LYST: variants seen among roughly 807,000 people sequenced by gnomAD.
LYST encodes the protein lysosomal-trafficking regulator.
Under a neutral mutation model 413.6 loss-of-function variants are expected in LYST, and 192 were observed. The ratio of observed to expected loss-of-function variants is 0.46; its 90% CI spans 0.41 to 0.52. The LOEUF is 0.52. LYST is among the 20% of genes least tolerant of loss of function. The pLI, the probability that LYST is intolerant of heterozygous loss-of-function variation, is 0.00. For missense variants in LYST, 3,815 were observed against 4,499.9 expected (o/e 0.85, Z 4.35); for synonymous variants, 1,525 against 1,567.3 (o/e 0.97, Z 0.64).
chr1:235,754,862 T>C (rs1572157022), intron 25 of LYST, among the ~76,000 whole-genome samples: 1 of 149,300 alleles, frequency 6.7e-6, no homozygotes, highest in African/African-American at 2.5e-5. Context: ...TGGCTTGAGG[T>C]CAGGAGTTTG....
At chr1:235,808,390 C>A in intron 5 of LYST, 65 bp downstream of exon 5, 1 of 1,457,550 alleles carries the variant, frequency 6.9e-7, no homozygotes, top group Non-Finnish European at 9.5e-7. Flanking sequence ...TGAAAGCATC[C>A]AATGAAAAAG....
chr1:235,685,259 T>C (rs1039079796), intron 48 of LYST, among the ~76,000 whole-genome samples: 1 of 152,112 alleles, frequency 6.6e-6, no homozygotes, highest in Non-Finnish European at 1.5e-5. Flanking sequence ...TCTTAGAGCA[T>C]ACACTCCACT....
Position 235,664,348 on chromosome 1 carries a change from G to T in LYST, c.11195+117C>A. The T allele has an allele frequency of 1.1e-6, 1 of 941,746 alleles. No homozygotes were observed. The highest frequency in any genetic ancestry group is 1.6e-6 in the Non-Finnish European group (1 of 608,766). 58.3% of individuals were successfully genotyped at this position (941,746 alleles called of 1,614,324 possible). A position where few individuals can be genotyped will look rare whatever the true frequency, so the allele number is the denominator to read the frequency against. Reference sequence around the variant, plus strand: ...ATAACTAAAGAACCTACACCCCAAGGTGAGTTTAAATCTCTAAATACTGAA... The same window carrying T: ...ATAACTAAAGAACCTACACCCCAAGTTGAGTTTAAATCTCTAAATACTGAA... On this transcript the variant is annotated intron_variant, in intron 51 of 52. Transcript: ENST00000389793. This position sits in a 1 kb window ranked among gnomAD's most constrained non-coding sequence, Gnocchi z 4.5.
At chr1:235,740,144 A>C (rs1316837464) in intron 31 of LYST, among the ~76,000 whole-genome samples, 3 of 152,202 alleles carry the variant, frequency 2.0e-5, no homozygotes, top group Non-Finnish European at 4.4e-5. Flanking sequence ...AAAGTGTCTT[A>C]ATACTGGAAA....
rs1291886548 is a variant in LYST at position 235,759,557 on chromosome 1, TGGGC to T, written c.6292_6295del (p.Ala2098IlefsTer17). 6.2e-7 allele frequency: 1 copy of T among 1,613,692 alleles called. No individual in the cohort carries two copies. On this transcript the variant is annotated frameshift_variant, in exon 23 of 53. Coordinates refer to ENST00000389793, the MANE Select transcript of LYST (RefSeq NM_000081.4). LOFTEE classifies it high-confidence loss of function. Reference sequence around the variant, plus strand: ...TGGTAGGCTTCTAGAACGCAGCATATGGGCGGCCATCTGTTGTGGAATAATATTA... The same window carrying T: ...TGGTAGGCTTCTAGAACGCAGCATATGGCCATCTGTTGTGGAATAATATTA...
chr1:235,739,099 G>C, intron 31 of LYST: 1 of 535,304 alleles, frequency 1.9e-6, no homozygotes, highest in Non-Finnish European at 3.6e-6. Context: ...GTGATGTTAA[G>C]ATGGATTGGG....
intron 1 of LYST, among the ~76,000 whole-genome samples, chr1:235,842,558 G>C (rs1042598077): frequency 7.2e-5 from 11 of 152,172 alleles, no homozygotes; most frequent in African/African-American, 2.7e-4. Flanking sequence ...ATCTAGAACA[G>C]AACACAGCTA....
At chr1:235,734,843 G>A in intron 31 of LYST, 184 bp from the exon 32 acceptor site, 1 of 489,534 alleles carries the variant, frequency 2.0e-6, no homozygotes, top group Non-Finnish European at 3.6e-6. Flanking sequence ...TTTGATGACA[G>A]AGGATTAATG....
rs755421451 is a variant in LYST at position 235,715,381 on chromosome 1, G to T, written c.9628-24C>A. ...TACTGAAAGAAACGGTGAATCCAGA[G>T]AATTCATGATTGTGGGCTCCAGGCA... On this transcript the variant is annotated intron_variant, in intron 41 of 52. Transcript: ENST00000389793. 9 of 1,612,558 alleles carry T rather than the reference G, an allele frequency of 5.6e-6. No individual in the cohort carries two copies. In the African/African-American group the frequency reaches 1.1e-4, roughly 19 times the overall value.
At chr1:235,869,718 T>C (rs1440558948), upstream of LYST, among the ~76,000 whole-genome samples, 1 of 152,204 alleles carries the variant, frequency 6.6e-6, no homozygotes, top group Non-Finnish European at 1.5e-5. Context: ...ATGTCACATC[T>C]CTGCTCAAAA....
chr1:235,671,396 T>C (rs982691386), intron 50 of LYST, among the ~76,000 whole-genome samples: 4 of 152,248 alleles, frequency 2.6e-5, no homozygotes, highest in Admixed American at 2.6e-4. Flanking sequence ...GAGATTATCA[T>C]ATGGCTTTTG....
At chr1:235,855,012 A>G (rs891944133) in intron 1 of LYST, among the ~76,000 whole-genome samples, 4 of 152,198 alleles carry the variant, frequency 2.6e-5, no homozygotes, top group Non-Finnish European at 5.9e-5. Flanking sequence ...CTCCCAACAC[A>G]TAACACGTTG....
chr1:235,715,103 C>G (rs1662718430), intron 42 of LYST, 98 bp downstream of exon 42: 2 of 1,081,848 alleles, frequency 1.8e-6, no homozygotes, highest in Non-Finnish European at 2.8e-6. Flanking sequence ...TTTGATTAGT[C>G]TTAATAGTTC....
chr1:235,788,869 G>A (rs770253046), intron 12 of LYST, 24 bp from the exon 13 acceptor site: 2 of 1,610,362 alleles, frequency 1.2e-6, no homozygotes, highest in Admixed American at 3.3e-5. Flanking sequence ...ATGTTAGAAT[G>A]ATCAGTAAAA....
At chr1:235,739,581 T>G (rs1260513056) in intron 31 of LYST, among the ~76,000 whole-genome samples, 2 of 114,554 alleles carry the variant, frequency 1.7e-5, no homozygotes, top group Non-Finnish European at 3.7e-5. Context: ...TCATACTAAC[T>G]AAAACCCACA....
At chr1:235,712,575 A>G in intron 42 of LYST, 1 of 977,644 alleles carries the variant, frequency 1.0e-6, no homozygotes, top group Non-Finnish European at 1.2e-6. Flanking sequence ...TGAATAATGA[A>G]GAAGGAAGAT....
intron 2 of LYST, among the ~76,000 whole-genome samples, chr1:235,832,930 C>G (rs1283970827): frequency 6.6e-6 from 1 of 152,094 alleles, no homozygotes; most frequent in African/African-American, 2.4e-5. Context: ...ATAGTAGGCA[C>G]ATAGGAAGTG....
In LYST at chr1:235,788,810, G is replaced by A; in HGVS notation, c.4579C>T (p.Pro1527Ser). 2 of 1,613,568 alleles carry A rather than the reference G, an allele frequency of 1.2e-6. No homozygotes were observed. Among genetic ancestry groups the A allele is most frequent in the Middle Eastern group, 1.7e-4 (1 of 6,058 alleles). Residue 1527 changes from proline (P) to serine (S), a missense_variant, in exon 13 of 53, where the codon CCT becomes TCT. Physicochemically the swap from Pro to Ser is moderately conservative, Grantham distance 74. Around this residue, in one of 4 missense-constraint regions of LYST, gnomAD observed 1,648 missense variants for 1,810.3 expected, o/e 0.91. Coordinates refer to ENST00000389793, the MANE Select transcript of LYST (RefSeq NM_000081.4). ...DRPEGAEYIN[P>S]GERLIEEGCI... ...CCTTCTTCTATGAGTCTTTCACCAG[G>A]ATTTATGTACTCTGCACCTTCTGGT...
Position 235,809,203 on chromosome 1 carries a change from C to T in LYST, c.1615G>A (p.Gly539Arg), listed in dbSNP as rs1034354469. 5.0e-6 allele frequency: 8 copies of T among 1,614,020 alleles called. No homozygotes were observed. The highest frequency in any genetic ancestry group is 1.6e-4 in the Middle Eastern group (1 of 6,062). ...CACCGCTCAGGATAATAAACATCTCCATCTGCAGTCTCTTCAAATGGGTTT... is the reference window on the plus strand; with the variant it reads ...CACCGCTCAGGATAATAAACATCTCTATCTGCAGTCTCTTCAAATGGGTTT... The part of the protein sequence containing the change: ...SKNPFEETAD[G>R]DVYYPERCCC... Residue 539 changes from glycine to arginine, a missense_variant, in exon 5 of 53, where the codon GGA (glycine) becomes AGA (arginine). This residue lies in a region of LYST where 1,648 missense variants were observed against 1,810.3 expected (regional missense o/e 0.91). Transcript: ENST00000389793. The surrounding 1 kb of genome is among the most constrained non-coding windows in gnomAD (Gnocchi z 4.0).
Sources: gnomAD v4.1 joint callset for allele counts (sites outside exome capture counted in the v4.1 genomes callset) on GRCh38, gnomAD v4.1.1 for gene constraint, gnomAD v4.1.1 regional missense constraint, Gnocchi (gnomAD v3.1) non-coding constraint, MANE v1.5 for transcripts, NCBI Gene and HGNC (gene_info 2026-07-23, HGNC 2026-07-21) for gene names.